Variants in CLMP observed in about 807,000 individuals in gnomAD.
The protein encoded by CLMP is CXADR like cell adhesion molecule, also known as CXADR-like membrane protein.
A neutral mutation model predicts 45.2 loss-of-function variants in CLMP; 27 were observed. That is an observed-to-expected ratio of 0.60 (90% CI 0.44 to 0.82). The LOEUF is 0.82. Among genes scored for constraint, CLMP ranks in the 40% least tolerant of loss-of-function variants. The probability of loss-of-function intolerance (pLI) is 0.00; values close to 1 mark genes in which losing one functional copy is unlikely to be tolerated. For synonymous variants in CLMP, 167 were observed against 171.4 expected (o/e 0.97, Z 0.20); for missense variants, 403 against 448.4 (o/e 0.90, Z 0.91).
chr11:123,084,597 C>G lies in CLMP; in HGVS notation c.303G>C (p.Leu101=). 2 of 1,614,190 alleles carry G rather than the reference C, an allele frequency of 1.2e-6. No individual in the cohort carries two copies. The highest frequency in any genetic ancestry group is 8.5e-7 in the Non-Finnish European group (1 of 1,180,030). ...TGTACCGGCCCTCATCACTGGGCTT[C>G]AGAGGTTCAATCTGCAAGGAGGCAT... ...AGDASLQIEP[L]KPSDEGRYTC... is the part of the protein sequence containing the mutation. Residue 101 remains leucine (L), a synonymous_variant, in exon 3 of 7, where the codon CTG becomes CTC. Transcript: ENST00000448775.
intron 1 of CLMP, among the ~76,000 whole-genome samples, chr11:123,114,056 G>A (rs1860683853): frequency 6.6e-6 from 1 of 152,066 alleles, no homozygotes; most frequent in African/African-American, 2.4e-5. Flanking sequence ...ATTTATAGTC[G>A]CTGTCTCGTT....
chr11:123,093,396 G>C (rs898626344), intron 2 of CLMP, among the ~76,000 whole-genome samples: 1 of 152,120 alleles, frequency 6.6e-6, no homozygotes, highest in Admixed American at 6.6e-5. Context: ...ACCCAGACTG[G>C]AGTGCAGTGG....
At chr11:123,176,863 C>G (rs912236036) in intron 1 of CLMP, among the ~76,000 whole-genome samples, 1 of 152,194 alleles carries the variant, frequency 6.6e-6, no homozygotes, top group African/African-American at 2.4e-5. Flanking sequence ...ATGCTCAGCT[C>G]TAAGTCCTGC....
At chr11:123,087,546 G>A (rs1041198581) in intron 2 of CLMP, among the ~76,000 whole-genome samples, 2 of 151,604 alleles carry the variant, frequency 1.3e-5, no homozygotes, top group Non-Finnish European at 2.9e-5. Context: ...TTTGCGGCTC[G>A]GTGCAGTGGC....
intron 1 of CLMP, among the ~76,000 whole-genome samples, chr11:123,153,013 G>A (rs1324387583): frequency 6.6e-6 from 1 of 152,138 alleles, no homozygotes; most frequent in African/African-American, 2.4e-5. Flanking sequence ...CATTGAGGAC[G>A]TTTATTCTTT....
intron 1 of CLMP, among the ~76,000 whole-genome samples, chr11:123,150,522 A>AG (rs1555084594): frequency 7.6e-6 from 1 of 130,958 alleles, no homozygotes; most frequent in Admixed American, 7.6e-5. Context: ...GAAGGAAGGA[A>AG]GGAAGGAAAG....
At chr11:123,161,137 C>T (rs901238128) in intron 1 of CLMP, among the ~76,000 whole-genome samples, 2 of 152,180 alleles carry the variant, frequency 1.3e-5, no homozygotes, top group East Asian at 3.8e-4. Flanking sequence ...GTACCAGGTG[C>T]CTACTACGTG....
At chr11:123,128,880 A>ATTTT (rs1860940214) in intron 1 of CLMP, among the ~76,000 whole-genome samples, 2 of 152,158 alleles carry the variant, frequency 1.3e-5, no homozygotes, top group Non-Finnish European at 2.9e-5. Context: ...ACACAACCCC[A>ATTTT]TACAATAGGT....
At chr11:123,165,167 T>C (rs1252836327) in intron 1 of CLMP, among the ~76,000 whole-genome samples, 1 of 152,190 alleles carries the variant, frequency 6.6e-6, no homozygotes, top group Non-Finnish European at 1.5e-5. Flanking sequence ...CCATAGCATC[T>C]TCTGATCTGT....
intron 1 of CLMP, among the ~76,000 whole-genome samples, chr11:123,180,613 A>T (rs1161419423): frequency 6.6e-6 from 1 of 152,182 alleles, no homozygotes; most frequent in Non-Finnish European, 1.5e-5. Flanking sequence ...AAAAAAAAAA[A>T]AAAGACACTG....
At chr11:123,134,061 A>T (rs1861031618) in intron 1 of CLMP, among the ~76,000 whole-genome samples, 1 of 152,106 alleles carries the variant, frequency 6.6e-6, no homozygotes. Context: ...GGAGTTCAAG[A>T]CCAGTCTGGC....
intron 1 of CLMP, among the ~76,000 whole-genome samples, chr11:123,154,073 C>T (rs188616510): frequency 0.06 from 9,134 of 152,102 alleles, 288 homozygotes; most frequent in Middle Eastern, 0.078. Flanking sequence ...TATCATAATG[C>T]TGACCTTCCA....
At chr11:123,078,234 GAAT>G (rs1449795334) in intron 5 of CLMP, among the ~76,000 whole-genome samples, 1 of 152,074 alleles carries the variant, frequency 6.6e-6, no homozygotes, top group East Asian at 1.9e-4. Context: ...GAAATAAAAT[GAAT>G]AATTGTATAG....
At chr11:123,152,832 TG>T (rs1861357471) in intron 1 of CLMP, among the ~76,000 whole-genome samples, 1 of 152,160 alleles carries the variant, frequency 6.6e-6, no homozygotes, top group Admixed American at 6.6e-5. Context: ...GTGTCCACAT[TG>T]CCCCCTGTAT....
chr11:123,091,800 AT>A (rs527664677), intron 2 of CLMP, among the ~76,000 whole-genome samples: 117 of 152,282 alleles, frequency 7.7e-4, no homozygotes, highest in African/African-American at 2.7e-3. Flanking sequence ...GCCTGCTACA[AT>A]TCCACACGTT....
chr11:123,165,395 A>T (rs930348654), intron 1 of CLMP, among the ~76,000 whole-genome samples: 2 of 152,234 alleles, frequency 1.3e-5, no homozygotes, highest in Non-Finnish European at 2.9e-5. Flanking sequence ...TGACATTAAA[A>T]CAACAAAATA....
Position 123,128,635 on chromosome 11 carries a change from G to A in CLMP, c.29-30683C>T, listed in dbSNP as rs114958913. 4.5e-3 allele frequency among the ~76,000 whole-genome samples: 691 copies of A among 152,232 alleles called. 3 individuals carry two copies. Among genetic ancestry groups the A allele is most frequent in the African/African-American group, 0.016 (651 of 41,534 alleles). On this transcript the variant is annotated intron_variant, in intron 1 of 6. Transcript: ENST00000448775. ...TGATCACGTCACTGCATTCTAGCCT[G>A]AGCAACATGGTGAGACCATGTCTCA...
intron 1 of CLMP, among the ~76,000 whole-genome samples, chr11:123,142,908 G>A (rs931160820): frequency 6.6e-6 from 1 of 151,704 alleles, no homozygotes; most frequent in Non-Finnish European, 1.5e-5. Context: ...CTACAGGCGT[G>A]AGCCACCGCG....
intron 1 of CLMP, among the ~76,000 whole-genome samples, chr11:123,141,985 C>CATTTT (rs1252699387): frequency 8.5e-6 from 1 of 117,558 alleles, no homozygotes; most frequent in South Asian, 2.8e-4. Flanking sequence ...TCCCCCCAGC[C>CATTTT]TTTTTTTTTT....
Sources: gnomAD v4.1 joint callset for allele counts (sites outside exome capture counted in the v4.1 genomes callset) on GRCh38, gnomAD v4.1.1 for gene constraint, MANE v1.5 for transcripts, NCBI Gene and HGNC (gene_info 2026-07-23, HGNC 2026-07-21) for gene names.